The following RAB6A variants were observed in gnomAD, a reference collection of about 807,000 sequenced individuals.
RAB6A encodes ras-related protein Rab-6A.
RAB6A carries 8 observed loss-of-function variants against 32.3 expected under a neutral mutation model. The ratio of observed to expected loss-of-function variants is 0.25; its 90% CI spans 0.15 to 0.45. The LOEUF (loss-of-function observed/expected upper bound fraction) is 0.45, where lower values mean the gene tolerates loss of function less well. RAB6A is among the 20% of genes least tolerant of loss of function. RAB6A has a pLI of 1.00. For missense variants in RAB6A, 104 were observed against 249.4 expected (o/e 0.42, Z 3.93); for synonymous variants, 73 against 82.1 (o/e 0.89, Z 0.60).
At chr11:73,739,474 A>C (rs1293211809) in intron 1 of RAB6A, among the ~76,000 whole-genome samples, 4 of 148,388 alleles carry the variant, frequency 2.7e-5, no homozygotes. Context: ...ACTCAGCCTG[A>C]TTTTTTATTT....
chr11:73,722,337 ATATATATTTTTTTT>A (rs1187899754), intron 2 of RAB6A: 8 of 9,972 alleles, frequency 8.0e-4, no homozygotes, highest in East Asian at 5.7e-3. Context: ...ATATATATAT[ATATATATTTTTTTT>A]TTTTTTTTTT....
chr11:73,739,280 A>ATTATATATAT (rs1389085059), intron 1 of RAB6A, among the ~76,000 whole-genome samples: 2 of 18,430 alleles, frequency 1.1e-4, no homozygotes, highest in Non-Finnish European at 1.3e-4. Context: ...AAAAAAAAAA[A>ATTATATATAT]AAAAATATAT....
rs1946828229 is a variant in RAB6A, at chr11:73,760,472, C to T, written c.70+94G>A. 6.2e-6 allele frequency: 9 copies of T among 1,452,998 alleles called. No homozygotes were observed. In the East Asian group the frequency reaches 2.3e-4, roughly 37 times the overall value. The allele number at this position is 1,452,998 out of a possible 1,614,324, so 90.0% of individuals were successfully genotyped here. ...GGTGGCAACGAGCGCGGACGCGAGG[C>T]GGGCAGGGAGCCTCCGCGGACGGAA... On this transcript the variant is annotated intron_variant, in intron 1 of 7. Transcript: ENST00000336083.
intron 2 of RAB6A, chr11:73,730,505 C>G (rs1464262561): frequency 2.1e-5 from 7 of 333,812 alleles, no homozygotes; most frequent in Non-Finnish European, 2.7e-5. Context: ...TAGAGAATAT[C>G]CACCATTACT....
intron 5 of RAB6A, among the ~76,000 whole-genome samples, chr11:73,708,795 T>C (rs1487839348): frequency 1.3e-5 from 2 of 152,194 alleles, no homozygotes; most frequent in Non-Finnish European, 2.9e-5. Flanking sequence ...TTCCATTTAC[T>C]TGCAAGTGTG....
chr11:73,698,659 T>C (rs945399826), intron 6 of RAB6A, among the ~76,000 whole-genome samples: 2 of 152,132 alleles, frequency 1.3e-5, no homozygotes, highest in Admixed American at 6.6e-5. Context: ...CACCTAGATA[T>C]TGTATATAAA....
chr11:73,736,630 A>T (rs1330776521), intron 1 of RAB6A, among the ~76,000 whole-genome samples: 1 of 151,566 alleles, frequency 6.6e-6, no homozygotes, highest in Non-Finnish European at 1.5e-5. Flanking sequence ...TGTCTGTACT[A>T]AAAATGCAAA....
At position 73,676,941 on chromosome 11, in the gene RAB6A, TTA is replaced by T. The variant is rs771902390; in HGVS notation, c.*955_*956del. On this transcript the variant is annotated 3_prime_UTR_variant, in exon 8 of 8. Transcript: ENST00000336083. ...TTTACAGTGCCTTGCCTGCACAGTA[TTA>T]TGTTTTTAAAAAAGAAAACCCAAGC... is the stretch of plus-strand genomic sequence containing the variant. 3.0e-5 allele frequency: 5 copies of T among 166,920 alleles called. No homozygotes were observed. In the East Asian group the frequency reaches 5.8e-4, roughly 19 times the overall value. 10.3% of individuals were successfully genotyped at this position (166,920 alleles called of 1,614,324 possible). A position where few individuals can be genotyped will look rare whatever the true frequency, so the allele number is the denominator to read the frequency against.
At chr11:73,685,709 T>C (rs1244705044) in intron 6 of RAB6A, among the ~76,000 whole-genome samples, 6 of 146,438 alleles carry the variant, frequency 4.1e-5, no homozygotes. Flanking sequence ...TGAAACCCCA[T>C]CTCTATTAAA....
chr11:73,698,138 T>C (rs985206225), intron 6 of RAB6A, among the ~76,000 whole-genome samples: 5 of 152,110 alleles, frequency 3.3e-5, no homozygotes, highest in African/African-American at 9.7e-5. Flanking sequence ...GGAGAATCAC[T>C]TGAACCCTGG....
At chr11:73,700,614 G>GTC (rs1945729215) in intron 6 of RAB6A, among the ~76,000 whole-genome samples, 4 of 114,102 alleles carry the variant, frequency 3.5e-5, no homozygotes, top group Non-Finnish European at 7.5e-5. Context: ...GTGTGTGGGG[G>GTC]GGGGGGGGGG....
chr11:73,697,312 CTTTA>C (rs1945669760), intron 6 of RAB6A, among the ~76,000 whole-genome samples: 1 of 151,932 alleles, frequency 6.6e-6, no homozygotes, highest in South Asian at 2.1e-4. Flanking sequence ...TCTTACCCTA[CTTTA>C]TTTTTCTGTT....
intron 5 of RAB6A, among the ~76,000 whole-genome samples, chr11:73,709,391 G>A (rs112338898): frequency 1.3e-5 from 2 of 151,050 alleles, no homozygotes; most frequent in African/African-American, 4.8e-5. Context: ...GCTCGAGTCA[G>A]TCTCTGGCAT....
chr11:73,729,079 C>T (rs1946266835), intron 2 of RAB6A, among the ~76,000 whole-genome samples: 1 of 152,060 alleles, frequency 6.6e-6, no homozygotes, highest in African/African-American at 2.4e-5. Context: ...ATTGTTCACA[C>T]CATTCCATTA....
chr11:73,694,012 G>A (rs137993933), intron 6 of RAB6A, among the ~76,000 whole-genome samples: 3 of 152,276 alleles, frequency 2.0e-5, no homozygotes, highest in African/African-American at 4.8e-5. Flanking sequence ...CTAGACTAGT[G>A]GTTCTCAATA....
At chr11:73,747,208 C>CT (rs549471454) in intron 1 of RAB6A, among the ~76,000 whole-genome samples, 2,916 of 131,574 alleles carry the variant, frequency 0.022, 78 homozygotes, top group African/African-American at 0.07. Flanking sequence ...CAAAATCTTC[C>CT]TTTTTTTTTT....
intron 1 of RAB6A, among the ~76,000 whole-genome samples, chr11:73,736,977 C>CAAAAA (rs535172648): frequency 1.5e-5 from 1 of 64,902 alleles, no homozygotes; most frequent in Admixed American, 1.8e-4. Context: ...GACACTGTCT[C>CAAAAA]AAAAAAAAAA....
At chr11:73,725,785 A>G (rs553823649) in intron 2 of RAB6A, among the ~76,000 whole-genome samples, 1 of 152,212 alleles carries the variant, frequency 6.6e-6, no homozygotes, top group Non-Finnish European at 1.5e-5. Context: ...CTAGAAAGTT[A>G]AAGAATTTCC....
At chr11:73,722,339 ATATATTTTTTTTTTT>A (rs1946153719) in intron 2 of RAB6A, 2 of 10,676 alleles carry the variant, frequency 1.9e-4, no homozygotes, top group African/African-American at 4.2e-4. Flanking sequence ...ATATATATAT[ATATATTTTTTTTTTT>A]TTTTTTTTTT....
Sources: allele counts gnomAD v4.1 joint callset (sites outside exome capture counted in the v4.1 genomes callset), GRCh38; gene constraint gnomAD v4.1.1; transcripts MANE v1.5; gene names NCBI Gene and HGNC (gene_info 2026-07-23, HGNC 2026-07-21).